GALNT14: variants seen among roughly 807,000 people sequenced by gnomAD.
The protein encoded by GALNT14 is UDP-GalNAc:polypeptide N-acetylgalactosaminyltransferase 14.
Under a neutral mutation model 77.5 loss-of-function variants are expected in GALNT14, and 60 were observed. The observed-to-expected ratio is 0.77, with a 90% CI of 0.63 to 0.96. The LOEUF is 0.96. Among genes scored for constraint, GALNT14 ranks in the 40% least tolerant of loss-of-function variants. The probability of loss-of-function intolerance (pLI) is 0.00; values close to 1 mark genes in which losing one functional copy is unlikely to be tolerated. For synonymous variants in GALNT14, 280 were observed against 281.7 expected (o/e 0.99, Z 0.06); for missense variants, 710 against 731.0 (o/e 0.97, Z 0.33).
chr2:31,102,422 T>G (rs1677326082), intron 1 of GALNT14, among the ~76,000 whole-genome samples: 1 of 152,124 alleles, frequency 6.6e-6, no homozygotes, highest in African/African-American at 2.4e-5. Context: ...ATTGAGTATT[T>G]TTTGTTTTGT....
At chr2:31,046,186 T>C (rs1438869887) in intron 1 of GALNT14, among the ~76,000 whole-genome samples, 2 of 151,758 alleles carry the variant, frequency 1.3e-5, no homozygotes, top group Non-Finnish European at 2.9e-5. Flanking sequence ...GTATCAGATA[T>C]GGGGTTTGAA....
downstream of GALNT14, among the ~76,000 whole-genome samples, chr2:30,908,414 A>G (rs71444475): frequency 2.7e-5 from 4 of 147,786 alleles, no homozygotes; most frequent in African/African-American, 2.5e-5. Context: ...TACACCAATA[A>G]CAGACAAACA....
intron 13 of GALNT14, among the ~76,000 whole-genome samples, chr2:30,914,652 C>T (rs893530487): frequency 3.9e-5 from 6 of 152,310 alleles, no homozygotes; most frequent in Admixed American, 6.5e-5. Context: ...TGAGCCGCCC[C>T]GCCTTTTTCT....
intron 14 of GALNT14, among the ~76,000 whole-genome samples, chr2:30,911,938 G>A (rs1416411993): frequency 6.6e-6 from 1 of 152,168 alleles, no homozygotes; most frequent in East Asian, 1.9e-4. Context: ...ATCCCACGTG[G>A]GGAACAGAGC....
rs537853810 is a variant in GALNT14, at chr2:31,077,100, C to T, written c.129+60858G>A. Among the ~76,000 whole-genome samples, 7 of 152,286 alleles carry T rather than the reference C, an allele frequency of 4.6e-5. No individual in the cohort carries two copies. In the South Asian group the frequency reaches 1.0e-3, roughly 23 times the overall value. On this transcript the variant is annotated intron_variant, in intron 1 of 14. Coordinates refer to ENST00000349752, the MANE Select transcript of GALNT14 (RefSeq NM_024572.4). ...ATTGGATTCTGCAGAAAATGTGCTA[C>T]GCTATTACAAACATCACCCCATTTG...
At chr2:30,993,660 C>A (rs1573113579) in intron 1 of GALNT14, among the ~76,000 whole-genome samples, 1 of 152,218 alleles carries the variant, frequency 6.6e-6, no homozygotes, top group African/African-American at 2.4e-5. Flanking sequence ...ACAACCCTCA[C>A]CGTACATGGA....
In GALNT14 at chr2:31,036,210, A is replaced by T. The variant is rs1672729226; in HGVS notation, c.130-43203T>A. Reference sequence around the variant, plus strand: ...GTATGCCTTATGTCTTTGTTCCTCTATTTCTCCATTACTGCCTTCTTTTAT... The same window carrying T: ...GTATGCCTTATGTCTTTGTTCCTCTTTTTCTCCATTACTGCCTTCTTTTAT... On this transcript the variant is annotated intron_variant, in intron 1 of 14. Transcript: ENST00000349752. Among the ~76,000 whole-genome samples the T allele has an allele frequency of 2.0e-5, 3 of 151,826 alleles. No individual in the cohort carries two copies. The South Asian group carries it at 6.2e-4, about 32-fold the overall frequency.
At chr2:30,919,776 G>C (rs1664921831) in intron 13 of GALNT14, among the ~76,000 whole-genome samples, 1 of 152,190 alleles carries the variant, frequency 6.6e-6, no homozygotes, top group Non-Finnish European at 1.5e-5. Context: ...ATGCAGCCAG[G>C]GTGTGAAGAA....
chr2:30,890,038 A>G, the GALNT14 span, among the ~76,000 whole-genome samples: 122,691 of 152,088 alleles, frequency 0.81, 49,882 homozygotes, highest in African/African-American at 0.91. Context: ...AAGAAAATGA[A>G]CCTGTGGTCT....
chr2:30,990,914 C>G (rs1327836240), intron 2 of GALNT14, among the ~76,000 whole-genome samples: 1 of 152,142 alleles, frequency 6.6e-6, no homozygotes, highest in Non-Finnish European at 1.5e-5. Context: ...TGCTGTAATC[C>G]CAGCAGATCA....
chr2:30,947,120 C>T (rs574280088), intron 6 of GALNT14, among the ~76,000 whole-genome samples: 2 of 152,306 alleles, frequency 1.3e-5, no homozygotes, highest in South Asian at 2.1e-4. Context: ...GCCTCTTCTC[C>T]ATCCCCTCAA....
intron 6 of GALNT14, 90 bp from the exon 7 acceptor site, chr2:30,945,960 G>C: frequency 9.5e-7 from 1 of 1,048,720 alleles, no homozygotes; most frequent in South Asian, 1.3e-5. Context: ...GGTAGGGCCA[G>C]AGATGAGTTT....
chr2:30,943,572 C>G (rs191372624), intron 8 of GALNT14, among the ~76,000 whole-genome samples: 1 of 152,154 alleles, frequency 6.6e-6, no homozygotes, highest in Non-Finnish European at 1.5e-5. Context: ...GCCACCCCTG[C>G]GACAGAGGCA....
rs562783069 is a variant in GALNT14 at position 31,066,240 on chromosome 2, C to A, written c.129+71718G>T. Among the ~76,000 whole-genome samples, 16 of 152,316 alleles carry A rather than the reference C, an allele frequency of 1.1e-4. No individual in the cohort carries two copies. The South Asian group carries it at 2.5e-3, about 24-fold the overall frequency. On this transcript the variant is annotated intron_variant, in intron 1 of 14. Coordinates refer to ENST00000349752, the MANE Select transcript of GALNT14 (RefSeq NM_024572.4). ...CAGCTGAGCTGGTTGTAGGCCCCCC[C>A]AGAGGCCAGGGCATTACCATTAAGG...
At chr2:31,065,212 T>G (rs1674866515) in intron 1 of GALNT14, 1 of 152,046 alleles carries the variant, frequency 6.6e-6, no homozygotes, top group Non-Finnish European at 1.5e-5. Flanking sequence ...GCTTGAGGTC[T>G]CCAGAGCCCT....
chr2:30,956,460 T>C (rs548126355), intron 4 of GALNT14, among the ~76,000 whole-genome samples: 4 of 152,302 alleles, frequency 2.6e-5, no homozygotes, highest in Non-Finnish European at 5.9e-5. Context: ...GAATGGAGTA[T>C]CCATCCCCTC....
chr2:30,940,301 G>C (rs1270486011), intron 9 of GALNT14, among the ~76,000 whole-genome samples: 1 of 152,184 alleles, frequency 6.6e-6, no homozygotes, highest in African/African-American at 2.4e-5. Context: ...GAAAGGTATT[G>C]CTACCAATAC....
At chr2:30,950,276 T>A (rs1326354150) in intron 6 of GALNT14, among the ~76,000 whole-genome samples, 5 of 151,950 alleles carry the variant, frequency 3.3e-5, no homozygotes, top group African/African-American at 7.3e-5. Flanking sequence ...AATAAGCTTA[T>A]GTTTAAAAAA....
chr2:31,108,303 G>A (rs1677663133), intron 1 of GALNT14, among the ~76,000 whole-genome samples: 1 of 152,196 alleles, frequency 6.6e-6, no homozygotes, highest in Non-Finnish European at 1.5e-5. Flanking sequence ...AGTGGCAGAT[G>A]GAAACATAAA....
Sources: gnomAD v4.1 joint callset for allele counts (sites outside exome capture counted in the v4.1 genomes callset) on GRCh38, gnomAD v4.1.1 for gene constraint, MANE v1.5 for transcripts, NCBI Gene and HGNC (gene_info 2026-07-23, HGNC 2026-07-21) for gene names.